The following DCTN1 variants were observed in gnomAD, a reference collection of about 807,000 sequenced individuals.
The protein encoded by DCTN1 is 150 kDa dynein-associated polypeptide.
In DCTN1, 61 loss-of-function variants were observed where a neutral mutation model predicts 161.2. The observed-to-expected ratio is 0.38, with a 90% confidence interval of 0.31 to 0.47. The LOEUF (loss-of-function observed/expected upper bound fraction) is 0.47. Among genes scored for constraint, DCTN1 ranks in the 20% least tolerant of loss-of-function variants. The pLI is 0.99. For synonymous variants in DCTN1, 653 were observed against 632.4 expected (o/e 1.03, Z -0.49); for missense variants, 1,404 against 1,623.7 (o/e 0.86, Z 2.33).
At chr2:74,384,188 T>C (rs1675630917), upstream of DCTN1, among the ~76,000 whole-genome samples, 1 of 152,256 alleles carries the variant, frequency 6.6e-6, no homozygotes, top group Admixed American at 6.5e-5. Context: ...CGAATACATG[T>C]ACTTCACTAT....
Position 74,367,571 on chromosome 2 carries a change from T to C in DCTN1, c.2184+125A>G, listed in dbSNP as rs1412753656. On this transcript the variant is annotated intron_variant, in intron 18 of 31. Transcript: ENST00000628224. ...GCAGCTGCATCATATGGAGAGTTCA[T>C]CTAAGAGCAAACCAGGCCTCAAGCA... 2.0e-6 allele frequency: 3 copies of C among 1,515,606 alleles called. No individual in the cohort carries two copies. In the East Asian group the frequency reaches 6.9e-5, roughly 35 times the overall value. 93.9% of individuals were successfully genotyped at this position (1,515,606 alleles called of 1,614,324 possible).
Position 74,363,627 on chromosome 2 carries a change from T to C in DCTN1, c.3198A>G (p.Glu1066=). ...IATLVSGIAG[E]EQQRGAIPGQ... Reference sequence around the variant, plus strand: ...GTGGGTCTCTACCTCGCTGCTGTTCTTCTGTGCTCGGGATAGCCCATGGGG... The same window carrying C: ...GTGGGTCTCTACCTCGCTGCTGTTCCTCTGTGCTCGGGATAGCCCATGGGG... The change falls in exon 27 of 32, where the codon GAA becomes GAG. Residue 1066 remains glutamate (E), a splice_region_variant and synonymous_variant. Coordinates refer to ENST00000628224, the MANE Select transcript of DCTN1 (RefSeq NM_004082.5). The C allele has an allele frequency of 1.9e-6, 3 of 1,613,852 alleles. No individual in the cohort carries two copies. Among genetic ancestry groups the C allele is most frequent in the Non-Finnish European group, 2.5e-6 (3 of 1,179,900 alleles).
rs562207772 is a variant in DCTN1, at chr2:74,361,161, A to G, written c.*338T>C. 1 of 428,756 alleles carries G rather than the reference A, an allele frequency of 2.3e-6. No homozygotes were observed. Among genetic ancestry groups the G allele is most frequent in the Non-Finnish European group, 4.6e-6 (1 of 218,194 alleles). 26.6% of individuals were successfully genotyped at this position (428,756 alleles called of 1,614,324 possible). A position where few individuals can be genotyped will look rare whatever the true frequency, so the allele number is the denominator to read the frequency against. ...CTCAACACCACACAGGAAGCACTGAAGCAGAAGTTGCTTTAATCAAGGGGT... is the reference window on the plus strand; with the variant it reads ...CTCAACACCACACAGGAAGCACTGAGGCAGAAGTTGCTTTAATCAAGGGGT... On this transcript the variant is annotated 3_prime_UTR_variant, in exon 32 of 32. Transcript: ENST00000628224.
intron 1 of DCTN1, chr2:74,386,787 C>T (rs1398289430): frequency 3.9e-5 from 6 of 152,222 alleles, no homozygotes; most frequent in Admixed American, 3.9e-4. Context: ...CAACATTCCT[C>T]TTTAAAGAAA....
intron 6 of DCTN1, 111 bp downstream of exon 6, chr2:74,374,212 T>C (rs755559486): frequency 8.2e-7 from 1 of 1,223,324 alleles, no homozygotes; most frequent in South Asian, 1.3e-5. Context: ...CTCACCCGCC[T>C]CCCCGACCAG....
chr2:74,373,271 A>G (rs1573169818), intron 6 of DCTN1: 1 of 430,574 alleles, frequency 2.3e-6, no homozygotes. Context: ...AGCTAGTGAG[A>G]AGGTCCCATG....
At chr2:74,391,807 GGCTCCGCGCCCA>G (rs1558957834) in exon 1 of DCTN1, 3 of 453,898 alleles carry the variant, frequency 6.6e-6, no homozygotes, top group Non-Finnish European at 1.3e-5. Flanking sequence ...CACTGTGAGG[GGCTCCGCGCCCA>G]GCTCCGACCC....
At chr2:74,379,548 C>T (rs539921221) in intron 1 of DCTN1, among the ~76,000 whole-genome samples, 9 of 152,254 alleles carry the variant, frequency 5.9e-5, no homozygotes, top group African/African-American at 1.9e-4. Context: ...AAAGGCTGAA[C>T]CCAAAGTCAG....
At position 74,365,519 on chromosome 2, in the gene DCTN1, C is replaced by T; in HGVS notation, c.3025G>A (p.Glu1009Lys). 3.1e-6 allele frequency: 5 copies of T among 1,614,144 alleles called. No homozygotes were observed. Among genetic ancestry groups the T allele is most frequent in the Non-Finnish European group, 4.2e-6 (5 of 1,180,018 alleles). ...EETQALLRKK[E>K]KEFEETMDAL... ...GCCCCAGGGAAAGTGCCTGACTTCT[C>T]CTTCTTTCGCAGCAGTGCCTGGGTC... Residue 1009 changes from glutamate to lysine, a missense_variant, in exon 25 of 32, where the codon GAG (glutamate) becomes AAG (lysine). Physicochemically the swap from Glu to Lys is moderately conservative, Grantham distance 56. This residue lies in a region of DCTN1 where 23 missense variants were observed against 48.5 expected (regional missense o/e 0.47). Coordinates refer to ENST00000628224, the MANE Select transcript of DCTN1 (RefSeq NM_004082.5).
Position 74,367,989 on chromosome 2 carries a change from G to A in DCTN1, c.1997C>T (p.Thr666Met), listed in dbSNP as rs143914684. 231 of 1,614,106 alleles carry A rather than the reference G, an allele frequency of 1.4e-4. No individual in the cohort carries two copies. The highest frequency in any genetic ancestry group is 1.7e-4 in the Non-Finnish European group (203 of 1,180,052). Residue 666 changes from threonine (T) to methionine (M), a missense_variant, in exon 17 of 32, where the codon ACG becomes ATG. Physicochemically the swap from Thr to Met is moderately conservative, Grantham distance 81 (BLOSUM62 -1). This residue lies in a region of DCTN1 where 475 missense variants were observed against 489.8 expected (regional missense o/e 0.97). Transcript: ENST00000628224. ...CACTTACTGCTCATAGCGGTGTAGC[G>A]TGGCCTGCAGCAGGCTCAGCGAGTA... ...LVYSLSLLQATLHRYEHALSQ... is the reference protein window; with the variant it reads ...LVYSLSLLQAMLHRYEHALSQ...
rs886056329 is a variant in DCTN1 at position 74,362,712 on chromosome 2, C to A, written c.3547G>T (p.Ala1183Ser). ...RTSPAAKSPS[A>S]QLMEQVAQLK... ...TGAGCCACTTGCTCCATAAGTTGGGCCGACGGGCTCTTGGCAGCTGTGGGG... is the reference window on the plus strand; with the variant it reads ...TGAGCCACTTGCTCCATAAGTTGGGACGACGGGCTCTTGGCAGCTGTGGGG... The change falls in exon 30 of 32, where the codon GCC becomes TCC. Residue 1183 changes from alanine (A) to serine (S), a missense_variant. Ala to Ser is a moderately conservative substitution (Grantham distance 99, BLOSUM62 1). Around this residue, in one of 9 missense-constraint regions of DCTN1, gnomAD observed 311 missense variants for 298.9 expected, o/e 1.04. Transcript: ENST00000628224. The A allele has an allele frequency of 1.9e-6, 3 of 1,613,966 alleles. No homozygotes were observed. The highest frequency in any genetic ancestry group is 2.5e-6 in the Non-Finnish European group (3 of 1,179,996).
chr2:74,385,958 A>G (rs1487555634), intron 1 of DCTN1, among the ~76,000 whole-genome samples: 1 of 152,238 alleles, frequency 6.6e-6, no homozygotes, highest in Admixed American at 6.5e-5. Flanking sequence ...TGATAGGAAC[A>G]GGGACAAGGT....
intron 30 of DCTN1, 87 bp from the exon 31 acceptor site, chr2:74,362,228 T>C (rs1287192705): frequency 1.3e-5 from 16 of 1,190,120 alleles, no homozygotes; most frequent in Middle Eastern, 1.9e-4. Flanking sequence ...GAGACACTAA[T>C]ACCAGGGGGG....
At chr2:74,366,200 C>A in intron 23 of DCTN1, 44 bp downstream of exon 23, 4 of 1,613,652 alleles carry the variant, frequency 2.5e-6, no homozygotes, top group Non-Finnish European at 3.4e-6. Flanking sequence ...GCAAGTCTTA[C>A]TCCTACAGGC....
intron 25 of DCTN1, 95 bp downstream of exon 25, chr2:74,365,420 T>C (rs1674332715): frequency 1.3e-5 from 20 of 1,592,978 alleles, no homozygotes; most frequent in Non-Finnish European, 1.7e-5. Context: ...GGAGTCTCAC[T>C]ATAAGAGAAC....
upstream of DCTN1, among the ~76,000 whole-genome samples, chr2:74,382,002 C>T (rs906977912): frequency 3.9e-5 from 6 of 152,174 alleles, no homozygotes; most frequent in African/African-American, 1.4e-4. Context: ...TGAAGACACA[C>T]AGACTGTGAG....
Position 74,377,652 on chromosome 2 carries a change from T to G in DCTN1, c.354A>C (p.Lys118Asn), listed in dbSNP as rs1379081516. Residue 118 changes from lysine (K) to asparagine (N), a missense_variant, in exon 3 of 32, where the codon AAA (lysine) becomes AAC (asparagine). Physicochemically the swap from Lys to Asn is moderately conservative, Grantham distance 94. Transcript: ENST00000628224. ...CTTTAAGTGGGTGGTTGTTACCTCT[T>G]TTGAGGACTTTTGAAGCAGAAGAAT... is the stretch of plus-strand genomic sequence containing the variant. ...TPDSSASKVL[K>N]REGTDTTAKT... 6.2e-7 allele frequency: 1 copy of G among 1,613,824 alleles called. No individual in the cohort carries two copies. Among genetic ancestry groups the G allele is most frequent in the Admixed American group, 1.7e-5 (1 of 60,004 alleles).
chr2:74,364,841 A>C lies in DCTN1; in HGVS notation c.3196+234T>G, dbSNP rs189415946. 710 of 580,656 alleles carry C rather than the reference A, an allele frequency of 1.2e-3. 3 individuals carry two copies. Among genetic ancestry groups the C allele is most frequent in the Middle Eastern group, 4.2e-3 (9 of 2,140 alleles). The allele number at this position is 580,656 out of a possible 1,614,324, so 36.0% of individuals were successfully genotyped here. ...CTACTAGAGACCAACTGTCATCATT[A>C]TTCTGAGCCTCATTAACAATTTAGT... On this transcript the variant is annotated intron_variant, in intron 26 of 31. Transcript: ENST00000628224.
intron 1 of DCTN1, among the ~76,000 whole-genome samples, chr2:74,378,485 T>A (rs1032315487): frequency 1.3e-5 from 2 of 152,358 alleles, no homozygotes; most frequent in South Asian, 4.1e-4. Flanking sequence ...ATATTTTTTA[T>A]AACAAATCAG....
Sources: allele counts gnomAD v4.1 joint callset (sites outside exome capture counted in the v4.1 genomes callset), GRCh38; gene constraint gnomAD v4.1.1; regional missense constraint gnomAD v4.1.1; transcripts MANE v1.5; gene names NCBI Gene and HGNC (gene_info 2026-07-23, HGNC 2026-07-21).